SMARCAD1: variants seen among roughly 807,000 people sequenced by gnomAD.
The protein encoded by SMARCAD1 is SNF2 related chromatin remodeling ATPase with DExD box 1.
SMARCAD1 carries 25 observed loss-of-function variants against 127.1 expected under a neutral mutation model. That is an observed-to-expected ratio of 0.20 (90% CI 0.14 to 0.27). SMARCAD1 has a LOEUF of 0.27. SMARCAD1 is among the 10% of genes least tolerant of loss of function. SMARCAD1 has a pLI of 1.00. For synonymous variants in SMARCAD1, 400 were observed against 396.9 expected (o/e 1.01, Z -0.09); for missense variants, 807 against 1,206.0 (o/e 0.67, Z 4.90).
At chr4:94,285,182 ATGATGTG>A (rs1754755758) in intron 23 of SMARCAD1, 113 bp downstream of exon 23, 11 of 687,544 alleles carry the variant, frequency 1.6e-5, no homozygotes, top group Non-Finnish European at 2.9e-5. Context: ...CAGTTTAGGG[ATGATGTG>A]TGATGTGGGA....
At chr4:94,217,407 GTCATATA>G in intron 2 of SMARCAD1, among the ~76,000 whole-genome samples, 1 of 152,062 alleles carries the variant, frequency 6.6e-6, no homozygotes, top group Middle Eastern at 3.4e-3. Context: ...TTTTTATAGT[GTCATATA>G]TATGATGTAT....
Position 94,278,749 on chromosome 4 carries a change from T to C in SMARCAD1, c.2296+16T>C. On this transcript the variant is annotated intron_variant, in intron 18 of 23. Coordinates refer to ENST00000354268, the MANE Select transcript of SMARCAD1 (RefSeq NM_020159.5). Reference sequence around the variant, plus strand: ...AATAACTTGGGTATAATCTGATTTTTACTCTTTTATGTGAAAAAGAATCTT... The same window carrying C: ...AATAACTTGGGTATAATCTGATTTTCACTCTTTTATGTGAAAAAGAATCTT... The C allele has an allele frequency of 6.2e-7, 1 of 1,610,424 alleles. No individual in the cohort carries two copies. Among genetic ancestry groups the C allele is most frequent in the African/African-American group, 1.3e-5 (1 of 74,998 alleles).
chr4:94,289,442 A>G (rs375438190), intron 23 of SMARCAD1, 31 bp from the exon 24 acceptor site: 3 of 1,578,094 alleles, frequency 1.9e-6, no homozygotes, highest in South Asian at 2.3e-5. Context: ...ATATTTTTAT[A>G]AAGCTTTTAA....
rs904242584 is a variant in SMARCAD1, at chr4:94,290,713, A to G, written c.*1179A>G. On this transcript the variant is annotated 3_prime_UTR_variant, in exon 24 of 24. Transcript: ENST00000354268. Reference sequence around the variant, plus strand: ...TCTTTAAATTTCTGCCTGTCAGTCTATATTGCTGTTTTTATTATACATCAG... The same window carrying G: ...TCTTTAAATTTCTGCCTGTCAGTCTGTATTGCTGTTTTTATTATACATCAG... 7 of 437,930 alleles carry G rather than the reference A, an allele frequency of 1.6e-5. No homozygotes were observed. The highest frequency in any genetic ancestry group is 4.1e-5 in the African/African-American group (2 of 48,900). The allele number at this position is 437,930 out of a possible 1,614,324, so 27.1% of individuals were successfully genotyped here. A position where few individuals can be genotyped will look rare whatever the true frequency, so the allele number is the denominator to read the frequency against.
chr4:94,282,318 G>T (rs1011328494), intron 21 of SMARCAD1, among the ~76,000 whole-genome samples: 1 of 150,258 alleles, frequency 6.7e-6, no homozygotes, highest in Non-Finnish European at 1.5e-5. Context: ...GGATGGTCTC[G>T]ATCTCCTGAC....
Position 94,250,727 on chromosome 4 carries a change from A to T in SMARCAD1, c.808-25A>T, listed in dbSNP as rs1346408101. 2.0e-6 allele frequency: 3 copies of T among 1,533,468 alleles called. No homozygotes were observed. In the South Asian group the frequency reaches 3.7e-5, roughly 19 times the overall value. The allele number at this position is 1,533,468 out of a possible 1,614,324, so 95.0% of individuals were successfully genotyped here. ...AAGTTGCTAATTTGAGATTTTTAAC[A>T]AAAAGATAAATGACTTATTTCTAGG... On this transcript the variant is annotated intron_variant, in intron 7 of 23. Transcript: ENST00000354268.
chr4:94,234,282 A>C (rs549146336), intron 4 of SMARCAD1, among the ~76,000 whole-genome samples, 160 bp downstream of exon 4: 3 of 152,336 alleles, frequency 2.0e-5, no homozygotes, highest in South Asian at 2.1e-4. Context: ...TTATTTATTG[A>C]AAGTCTTAAC....
chr4:94,276,877 T>C, intron 15 of SMARCAD1, 145 bp from the exon 16 acceptor site: 2 of 865,956 alleles, frequency 2.3e-6, no homozygotes, highest in Non-Finnish European at 3.5e-6. Context: ...TTATTTAAAT[T>C]ACTATATCAT....
At chr4:94,232,158 C>A (rs930515156) in intron 3 of SMARCAD1, among the ~76,000 whole-genome samples, 4 of 152,242 alleles carry the variant, frequency 2.6e-5, no homozygotes, top group Admixed American at 2.0e-4. Context: ...CCACTGCACC[C>A]GGCTGGTTTT....
At chr4:94,242,741 CAAAAA>C (rs35038953) in intron 6 of SMARCAD1, among the ~76,000 whole-genome samples, 1 of 127,614 alleles carries the variant, frequency 7.8e-6, no homozygotes, top group African/African-American at 3.1e-5. Flanking sequence ...CCTGTCTCTG[CAAAAA>C]AAAAAAAAAA....
chr4:94,258,508 T>C (rs1245476297), intron 9 of SMARCAD1, among the ~76,000 whole-genome samples: 1 of 152,206 alleles, frequency 6.6e-6, no homozygotes, highest in African/African-American at 2.4e-5. Flanking sequence ...TCTTATCACC[T>C]GCTCTGATTT....
Position 94,264,868 on chromosome 4 carries a change from T to C in SMARCAD1, c.1443T>C (p.Gly481=). The change falls in exon 10 of 24, where the codon GGT becomes GGC. Residue 481 remains glycine (G), a synonymous_variant. Transcript: ENST00000354268. ...TTACCATGCTTACTGGAAATGGAGG[T>C]GGATGGAACATAGAACAACCTTCCA... ...KQVTMLTGNG[G]GWNIEQPSIL... is the part of the protein sequence containing the mutation. 1 of 1,612,966 alleles carries C rather than the reference T, an allele frequency of 6.2e-7. No individual in the cohort carries two copies.
intron 3 of SMARCAD1, 108 bp downstream of exon 3, chr4:94,226,404 T>C: frequency 1.8e-4 from 136 of 743,860 alleles, no homozygotes; most frequent in Admixed American, 2.9e-4. Flanking sequence ...TTTTTTTTCT[T>C]TTTTTTTTTT....
chr4:94,242,305 A>C (rs936235488), intron 6 of SMARCAD1, among the ~76,000 whole-genome samples: 1 of 151,816 alleles, frequency 6.6e-6, no homozygotes, highest in Non-Finnish European at 1.5e-5. Flanking sequence ...TCGGCTTCCC[A>C]AAGTGCTGAG....
At chr4:94,208,726 G>T in intron 2 of SMARCAD1, 142 bp downstream of exon 2, 1 of 823,524 alleles carries the variant, frequency 1.2e-6, no homozygotes, top group East Asian at 2.7e-5. Flanking sequence ...ACAGCTTTGG[G>T]ACTGCCATAA....
chr4:94,242,058 CAG>C (rs1485738808), intron 6 of SMARCAD1, among the ~76,000 whole-genome samples: 15 of 151,872 alleles, frequency 9.9e-5, no homozygotes, highest in Admixed American at 6.6e-4. Context: ...CTTTTTGAGA[CAG>C]AGTCTTACTC....
intron 6 of SMARCAD1, among the ~76,000 whole-genome samples, chr4:94,245,040 T>C (rs1176691978): frequency 6.6e-6 from 1 of 152,356 alleles, no homozygotes. Flanking sequence ...TGGAGTAATA[T>C]ACCGAGAGTG....
Position 94,226,184 on chromosome 4 carries a change from C to A in SMARCAD1, c.256C>A (p.Gln86Lys). 6.2e-7 allele frequency: 1 copy of A among 1,612,000 alleles called. No homozygotes were observed. The highest frequency in any genetic ancestry group is 1.1e-5 in the South Asian group (1 of 90,992). Residue 86 changes from glutamine (Q) to lysine (K), a missense_variant, in exon 3 of 24, where the codon CAA becomes AAA. Around this residue, in one of 8 missense-constraint regions of SMARCAD1, gnomAD observed 175 missense variants for 169.5 expected, o/e 1.03. Transcript: ENST00000354268. ...AGCAAGTATATCATATTTCAAAAAT[C>A]AAAGAGGAATACAGTATATTGATTT... Reference protein sequence around the residue: ...RKASISYFKNQRGIQYIDLSS... With the variant: ...RKASISYFKNKRGIQYIDLSS...
chr4:94,270,525 A>G, intron 10 of SMARCAD1: 1 of 502,982 alleles, frequency 2.0e-6, no homozygotes, highest in East Asian at 3.7e-5. Context: ...GCCAGAAGAA[A>G]TAGAATAGAG....
Sources: allele counts gnomAD v4.1 joint callset (sites outside exome capture counted in the v4.1 genomes callset), GRCh38; gene constraint gnomAD v4.1.1; regional missense constraint gnomAD v4.1.1; transcripts MANE v1.5; gene names NCBI Gene and HGNC (gene_info 2026-07-23, HGNC 2026-07-21).